The following LDLRAD4 variants were observed in gnomAD, a reference collection of about 807,000 sequenced individuals.
LDLRAD4 encodes the protein low density lipoprotein receptor class A domain containing 4.
Under a neutral mutation model 17.0 loss-of-function variants are expected in LDLRAD4, and 5 were observed. That is an observed-to-expected ratio of 0.29 (90% confidence interval 0.15 to 0.62). LDLRAD4 has a LOEUF of 0.62. LDLRAD4 is among the 20% of genes least tolerant of loss of function. The pLI is 0.84. For synonymous variants in LDLRAD4, 168 were observed against 171.8 expected (o/e 0.98, Z 0.17); for missense variants, 340 against 424.7 (o/e 0.80, Z 1.75).
chr18:13,421,122 G>A (rs1181407581), intron 2 of LDLRAD4: 1 of 152,332 alleles, frequency 6.6e-6, no homozygotes, highest in Non-Finnish European at 1.5e-5. Context: ...CTGCGAGGGA[G>A]AGCCCTGCAG....
At chr18:13,577,138 G>T (rs1366636973) in intron 3 of LDLRAD4, among the ~76,000 whole-genome samples, 1 of 151,882 alleles carries the variant, frequency 6.6e-6, no homozygotes, top group Non-Finnish European at 1.5e-5. Context: ...GCAAGTTTCA[G>T]TCCATGTGAT....
At chr18:13,277,382 G>A (rs142843978), upstream of LDLRAD4, among the ~76,000 whole-genome samples, 432 of 152,338 alleles carry the variant, frequency 2.8e-3, 1 homozygote, top group African/African-American at 1.0e-2. Context: ...TGGAGCTCGA[G>A]GCGGTCACCC....
At chr18:13,281,251 T>A (rs1413237478) in intron 1 of LDLRAD4, among the ~76,000 whole-genome samples, 1 of 152,106 alleles carries the variant, frequency 6.6e-6, no homozygotes, top group Non-Finnish European at 1.5e-5. Context: ...TATCTGGGCC[T>A]GGTAGCTCAT....
chr18:13,331,341 A>G (rs969744886), intron 1 of LDLRAD4, among the ~76,000 whole-genome samples: 2 of 152,208 alleles, frequency 1.3e-5, no homozygotes, highest in African/African-American at 4.8e-5. Flanking sequence ...CCCTCCCCAC[A>G]TTTGCTCTCA....
intron 2 of LDLRAD4, chr18:13,421,010 G>C (rs1036422493): frequency 3.3e-5 from 5 of 152,212 alleles, no homozygotes; most frequent in African/African-American, 7.2e-5. Flanking sequence ...TTTTTGTACA[G>C]AGAAAGGCAC....
At chr18:13,602,127 A>T (rs2095170142) in intron 3 of LDLRAD4, among the ~76,000 whole-genome samples, 1 of 152,238 alleles carries the variant, frequency 6.6e-6, no homozygotes, top group Non-Finnish European at 1.5e-5. Context: ...ATGGACATAG[A>T]AATGGGAACA....
chr18:13,542,713 A>T (rs369237691), intron 3 of LDLRAD4, among the ~76,000 whole-genome samples: 13 of 152,234 alleles, frequency 8.5e-5, no homozygotes, highest in East Asian at 7.7e-4. Flanking sequence ...TTTCCTCTGC[A>T]CTTACTTCAT....
intron 1 of LDLRAD4, among the ~76,000 whole-genome samples, chr18:13,248,880 A>G (rs1405947896): frequency 6.6e-6 from 1 of 151,852 alleles, no homozygotes; most frequent in Non-Finnish European, 1.5e-5. Flanking sequence ...GCATACCTTA[A>G]CAACTCTCTC....
intron 3 of LDLRAD4, chr18:13,615,614 C>T (rs1351094875): frequency 1.3e-5 from 2 of 152,218 alleles, no homozygotes; most frequent in Non-Finnish European, 2.9e-5. Flanking sequence ...CTTGGGATTT[C>T]CTGGAGATGT....
At chr18:13,281,705 T>A (rs771976532) in intron 1 of LDLRAD4, among the ~76,000 whole-genome samples, 6 of 152,156 alleles carry the variant, frequency 3.9e-5, no homozygotes, top group Non-Finnish European at 8.8e-5. Flanking sequence ...CTCCCTTGGC[T>A]TCTGAAAGAG....
At chr18:13,607,354 A>G (rs1033757602) in intron 3 of LDLRAD4, among the ~76,000 whole-genome samples, 6 of 152,242 alleles carry the variant, frequency 3.9e-5, no homozygotes, top group African/African-American at 1.4e-4. Context: ...TATAGCAGTA[A>G]ACCTTTATGA....
chr18:13,387,665 G>A lies in LDLRAD4; in HGVS notation c.-58G>A, dbSNP rs143909561. 3,497 of 1,536,236 alleles carry A rather than the reference G, an allele frequency of 2.3e-3. 7 individuals are homozygous for A. Among genetic ancestry groups the A allele is most frequent in the Non-Finnish European group, 2.8e-3 (3,059 of 1,110,384 alleles). Reference sequence around the variant, plus strand: ...ATGGAAGTGACCTGAGCCTCGCCCGGCGGCTTCCTCGACGGGACAGCGCAA... The same window carrying A: ...ATGGAAGTGACCTGAGCCTCGCCCGACGGCTTCCTCGACGGGACAGCGCAA... On this transcript the variant is annotated 5_prime_UTR_variant, in exon 2 of 6. Coordinates refer to ENST00000359446, the Ensembl canonical transcript of LDLRAD4.
intron 1 of LDLRAD4, among the ~76,000 whole-genome samples, chr18:13,308,242 C>T (rs1447369558): frequency 6.6e-6 from 1 of 152,190 alleles, no homozygotes; most frequent in East Asian, 1.9e-4. Context: ...CTCTCCTCTG[C>T]CTTTGTTTAC....
chr18:13,623,262 C>T (rs544934579), intron 4 of LDLRAD4, among the ~76,000 whole-genome samples: 3 of 152,210 alleles, frequency 2.0e-5, no homozygotes, highest in Non-Finnish European at 2.9e-5. Context: ...GGTGACAGAG[C>T]GATGTTCAGA....
chr18:13,367,144 C>T lies in LDLRAD4; in HGVS notation c.-382-20197C>T, dbSNP rs1273878899. ...CACAGAACAGTCCTGTTGCTGTCCA[C>T]AGGGAAGTCCTGTGGCTGTGGGAAG... On this transcript the variant is annotated intron_variant, in intron 1 of 5. Coordinates refer to ENST00000359446, the Ensembl canonical transcript of LDLRAD4. This position sits in a 1 kb window ranked among gnomAD's most constrained non-coding sequence, Gnocchi z 4.1. Among the ~76,000 whole-genome samples the T allele has an allele frequency of 6.6e-6, 1 of 152,206 alleles. No individual in the cohort carries two copies. Among genetic ancestry groups the T allele is most frequent in the African/African-American group, 2.4e-5 (1 of 41,456 alleles).
intron 1 of LDLRAD4, among the ~76,000 whole-genome samples, chr18:13,337,183 G>A (rs893857071): frequency 4.6e-5 from 7 of 152,114 alleles, no homozygotes; most frequent in East Asian, 1.9e-4. Context: ...CTGATTCTTC[G>A]AAATGATATA....
chr18:13,436,481 T>G (rs1345341907), intron 2 of LDLRAD4, among the ~76,000 whole-genome samples: 2 of 152,244 alleles, frequency 1.3e-5, no homozygotes, highest in African/African-American at 2.4e-5. Flanking sequence ...ACTTTTTAGT[T>G]AAGAGTTTGA....
At chr18:13,625,485 G>A (rs1249214380) in intron 4 of LDLRAD4, among the ~76,000 whole-genome samples, 2 of 152,114 alleles carry the variant, frequency 1.3e-5, no homozygotes, top group African/African-American at 4.8e-5. Flanking sequence ...CCACAAGGAA[G>A]GGCCAGACCA....
upstream of LDLRAD4, chr18:13,218,673 A>G (rs1483911224): frequency 6.6e-6 from 1 of 151,272 alleles, no homozygotes; most frequent in African/African-American, 2.4e-5. Flanking sequence ...GGCCCGCTTC[A>G]CCCGGCGTCC....
Sources: allele counts gnomAD v4.1 joint callset (sites outside exome capture counted in the v4.1 genomes callset), GRCh38; gene constraint gnomAD v4.1.1; non-coding constraint Gnocchi (gnomAD v3.1); transcripts MANE v1.5; gene names NCBI Gene and HGNC (gene_info 2026-07-23, HGNC 2026-07-21).